SIL1: variants seen among roughly 807,000 people sequenced by gnomAD.
SIL1 encodes SIL1 nucleotide exchange factor, also known as nucleotide exchange factor SIL1.
SIL1 carries 40 observed loss-of-function variants against 49.1 expected under a neutral mutation model. The ratio of observed to expected loss-of-function variants is 0.81; its 90% CI spans 0.63 to 1.06. The LOEUF is 1.06. SIL1 is among the 50% of genes least tolerant of loss of function. SIL1 has a pLI of 0.00. For synonymous variants in SIL1, 253 were observed against 250.8 expected (o/e 1.01, Z -0.08); for missense variants, 500 against 572.6 (o/e 0.87, Z 1.29).
At chr5:139,171,697 T>TA (rs200709072) in intron 1 of SIL1, among the ~76,000 whole-genome samples, 58 of 69,308 alleles carry the variant, frequency 8.4e-4, no homozygotes, top group East Asian at 7.5e-3. Flanking sequence ...GAATGATCAA[T>TA]AAAAAAAAAT....
At chr5:138,968,486 G>A (rs548940942) in intron 7 of SIL1, among the ~76,000 whole-genome samples, 59 of 152,112 alleles carry the variant, frequency 3.9e-4, no homozygotes, top group African/African-American at 1.3e-3. Flanking sequence ...GCCCCTGCCC[G>A]TCCCCATCTT....
At chr5:138,966,592 T>G (rs1767147850) in intron 7 of SIL1, among the ~76,000 whole-genome samples, 1 of 152,166 alleles carries the variant, frequency 6.6e-6, no homozygotes, top group Non-Finnish European at 1.5e-5. Flanking sequence ...TACATCTTCC[T>G]GTGCCTCTTG....
chr5:139,095,385 C>G (rs1466626750), intron 3 of SIL1, among the ~76,000 whole-genome samples: 1 of 151,786 alleles, frequency 6.6e-6, no homozygotes, highest in Admixed American at 6.6e-5. Flanking sequence ...TGCCTCACCT[C>G]CTGAGTAGCT....
At chr5:139,037,699 T>A (rs1362117687) in intron 5 of SIL1, among the ~76,000 whole-genome samples, 2 of 152,240 alleles carry the variant, frequency 1.3e-5, no homozygotes, top group Non-Finnish European at 2.9e-5. Flanking sequence ...ATTTGGTTCT[T>A]TTTTCTTATC....
intron 1 of SIL1, among the ~76,000 whole-genome samples, chr5:139,143,615 G>T (rs763008669): frequency 1.3e-5 from 2 of 151,656 alleles, no homozygotes; most frequent in Non-Finnish European, 2.9e-5. Context: ...CAGGCAATCC[G>T]CCCACCTTAG....
chr5:139,120,930 G>C, intron 3 of SIL1, 105 bp downstream of exon 3: 1 of 1,421,432 alleles, frequency 7.0e-7, no homozygotes, highest in Non-Finnish European at 9.8e-7. Flanking sequence ...TTTCCCTCCC[G>C]CAGGCCAGAG....
intron 3 of SIL1, among the ~76,000 whole-genome samples, chr5:139,100,436 G>A (rs968211382): frequency 6.6e-6 from 1 of 152,184 alleles, no homozygotes. Context: ...ATGGTGAGCC[G>A]CATCACAGAG....
At chr5:139,040,484 C>CTTTTTTTTTTTTTTTTTTTT (rs140792595) in intron 5 of SIL1, among the ~76,000 whole-genome samples, 2 of 89,408 alleles carry the variant, frequency 2.2e-5, no homozygotes, top group Non-Finnish European at 2.1e-5. Context: ...AGTATTTTTT[C>CTTTTTTTTTTTTTTTTTTTT]TTTTTTCTTT....
intron 7 of SIL1, among the ~76,000 whole-genome samples, chr5:138,955,036 T>C (rs977844371): frequency 1.3e-5 from 2 of 151,960 alleles, no homozygotes; most frequent in African/African-American, 4.8e-5. Flanking sequence ...GCACATATCA[T>C]GTATGGCAGC....
intron 3 of SIL1, chr5:139,051,254 G>C (rs1769277973): frequency 3.3e-6 from 2 of 599,050 alleles, no homozygotes; most frequent in Admixed American, 5.1e-5. Context: ...ATCTGTAAGG[G>C]AATGACGTAA....
At chr5:139,031,298 A>T (rs1768787761) in intron 5 of SIL1, among the ~76,000 whole-genome samples, 2 of 151,750 alleles carry the variant, frequency 1.3e-5, no homozygotes, top group East Asian at 1.9e-4. Context: ...TTTTGAATTA[A>T]TTTTTTTTAA....
chr5:139,193,662 A>G (rs1752215258), intron 1 of SIL1, among the ~76,000 whole-genome samples: 1 of 152,216 alleles, frequency 6.6e-6, no homozygotes, highest in Admixed American at 6.5e-5. Context: ...AGATGAACCC[A>G]AAGGGTTGAG....
chr5:139,004,137 C>T (rs1302732152), intron 7 of SIL1, among the ~76,000 whole-genome samples: 1 of 152,186 alleles, frequency 6.6e-6, no homozygotes. Context: ...TGCAGCTAAT[C>T]TGTCTTCATT....
intron 1 of SIL1, among the ~76,000 whole-genome samples, chr5:139,175,193 G>A (rs1038058619): frequency 2.0e-5 from 3 of 152,096 alleles, no homozygotes; most frequent in South Asian, 2.1e-4. Context: ...ATGGTGGCAC[G>A]CGCCTGTAGT....
chr5:138,993,751 A>T (rs1419083637), intron 7 of SIL1, among the ~76,000 whole-genome samples: 1 of 152,106 alleles, frequency 6.6e-6, no homozygotes, highest in African/African-American at 2.4e-5. Flanking sequence ...AAAGAACTGA[A>T]CTCTGCCAAC....
Position 138,951,853 on chromosome 5 carries a change from C to G in SIL1, c.799G>C (p.Gly267Arg). The G allele has an allele frequency of 6.2e-7, 1 of 1,614,024 alleles. No homozygotes were observed. Among genetic ancestry groups the G allele is most frequent in the South Asian group, 1.1e-5 (1 of 91,086 alleles). ...NPKVQVEAIE[G>R]GALQKLLVIL... is the part of the protein sequence containing the mutation. ...ACCAGCAGCTTCTGCAGGGCTCCCC[C>G]TTCGATGGCCTCCACCTGGACCTTG... is the stretch of plus-strand genomic sequence containing the variant. Residue 267 changes from glycine (G) to arginine (R), a missense_variant, in exon 8 of 10, where the codon GGG (glycine) becomes CGG (arginine). By Grantham distance (125) the Gly-to-Arg change is moderately radical. Transcript: ENST00000394817.
chr5:139,142,444 A>C (rs1751098440), intron 1 of SIL1, among the ~76,000 whole-genome samples: 1 of 152,180 alleles, frequency 6.6e-6, no homozygotes, highest in African/African-American at 2.4e-5. Flanking sequence ...ATACAACATG[A>C]TCAAGTGGTG....
At chr5:139,151,214 A>C (rs1751292557) in intron 1 of SIL1, among the ~76,000 whole-genome samples, 1 of 152,186 alleles carries the variant, frequency 6.6e-6, no homozygotes, top group Non-Finnish European at 1.5e-5. Context: ...TGAATGAATG[A>C]AGAAATGAAC....
chr5:138,954,713 C>T (rs189035764), intron 7 of SIL1, among the ~76,000 whole-genome samples: 200 of 152,366 alleles, frequency 1.3e-3, no homozygotes, highest in Non-Finnish European at 2.5e-3. Context: ...TTTAAATGCT[C>T]ACAGCCTGGG....
Sources: gnomAD v4.1 joint callset for allele counts (sites outside exome capture counted in the v4.1 genomes callset) on GRCh38, gnomAD v4.1.1 for gene constraint, MANE v1.5 for transcripts, NCBI Gene and HGNC (gene_info 2026-07-23, HGNC 2026-07-21) for gene names.